The following FSTL5 variants were observed in gnomAD, a reference collection of about 807,000 sequenced individuals.
FSTL5 encodes follistatin like 5, also known as follistatin-related protein 5.
A neutral mutation model predicts 89.1 loss-of-function variants in FSTL5; 62 were observed. That is an observed-to-expected ratio of 0.70 (90% CI 0.57 to 0.86). FSTL5 has a LOEUF of 0.86. Ranked by LOEUF, FSTL5 falls within the 40% of genes least tolerant of loss-of-function variation. FSTL5 has a pLI of 0.00. For missense variants in FSTL5, 1,057 were observed against 1,001.6 expected (o/e 1.06, Z -0.75); for synonymous variants, 383 against 346.2 (o/e 1.11, Z -1.18).
At chr4:161,880,616 C>A (rs890669427) in intron 4 of FSTL5, among the ~76,000 whole-genome samples, 1 of 152,120 alleles carries the variant, frequency 6.6e-6, no homozygotes, top group South Asian at 2.1e-4. Context: ...AGCTGTTTTA[C>A]TCCTAATTGA....
intron 8 of FSTL5, among the ~76,000 whole-genome samples, chr4:161,578,267 T>C (rs1401109343): frequency 6.6e-6 from 1 of 152,122 alleles, no homozygotes; most frequent in African/African-American, 2.4e-5. Context: ...AAGAATTATT[T>C]TTTAAATAGA....
intron 4 of FSTL5, among the ~76,000 whole-genome samples, chr4:161,864,649 A>G (rs368087508): frequency 7.4e-4 from 113 of 152,204 alleles, no homozygotes; most frequent in African/African-American, 1.7e-3. Flanking sequence ...AGGTGGACAG[A>G]TCAGGAGGTC....
chr4:162,020,380 A>T (rs1737037857), intron 3 of FSTL5, among the ~76,000 whole-genome samples: 1 of 152,104 alleles, frequency 6.6e-6, no homozygotes, highest in African/African-American at 2.4e-5. Context: ...TCTAATAGTT[A>T]TTTAAGGAGT....
rs141970362 is a variant in FSTL5 at position 162,067,328 on chromosome 4, C to T, written c.127-33670G>A. ...TTGGCCTCCCAAAGTGCTGAGATTA[C>T]AGGCATGAGCCACCACATTTGGCCT... On this transcript the variant is annotated intron_variant, in intron 2 of 15. Transcript: ENST00000306100. Among the ~76,000 whole-genome samples the T allele has an allele frequency of 2.6e-3, 396 of 152,186 alleles. 1 individual carries two copies. The highest frequency in any genetic ancestry group is 8.8e-3 in the African/African-American group (366 of 41,554).
chr4:161,693,572 G>A (rs996432849), intron 6 of FSTL5, among the ~76,000 whole-genome samples: 5 of 148,626 alleles, frequency 3.4e-5, no homozygotes, highest in East Asian at 2.0e-4. Context: ...CTAGAAATTT[G>A]TCCATTTCAT....
intron 1 of FSTL5, among the ~76,000 whole-genome samples, chr4:162,158,863 A>T (rs1377653669): frequency 6.6e-6 from 1 of 152,114 alleles, no homozygotes; most frequent in Non-Finnish European, 1.5e-5. Flanking sequence ...GAAAAAGCAA[A>T]TTCAGGATCA....
intron 4 of FSTL5, among the ~76,000 whole-genome samples, chr4:161,836,740 T>TTATTAAAAATAAATTTTTTAAA (rs1731056204): frequency 1.3e-5 from 2 of 151,998 alleles, no homozygotes; most frequent in Admixed American, 6.6e-5. Flanking sequence ...GTGAAATTTT[T>TTATTAAAAATAAATTTTTTAAA]TATTAAAAAT....
intron 15 of FSTL5, among the ~76,000 whole-genome samples, chr4:161,440,248 A>T (rs1451388179): frequency 2.6e-5 from 4 of 152,122 alleles, no homozygotes. Flanking sequence ...AAATTTTTGT[A>T]CAGAACGTAA....
At chr4:161,856,921 G>A (rs547658470) in intron 4 of FSTL5, among the ~76,000 whole-genome samples, 21 of 152,186 alleles carry the variant, frequency 1.4e-4, no homozygotes, top group Non-Finnish European at 2.2e-4. Flanking sequence ...TGGTTAGCAT[G>A]CTGAAGGGAA....
At chr4:162,132,195 T>C (rs1404117753) in intron 1 of FSTL5, among the ~76,000 whole-genome samples, 2 of 152,198 alleles carry the variant, frequency 1.3e-5, no homozygotes, top group African/African-American at 4.8e-5. Context: ...AGGTGTTCTC[T>C]ACTTAAACAG....
chr4:161,691,871 T>C (rs1347326264), intron 6 of FSTL5, among the ~76,000 whole-genome samples: 1 of 152,142 alleles, frequency 6.6e-6, no homozygotes, highest in African/African-American at 2.4e-5. Flanking sequence ...TCTTTTATCC[T>C]GCATCTATGC....
At chr4:161,590,830 T>C (rs184112774) in intron 7 of FSTL5, among the ~76,000 whole-genome samples, 1 of 152,292 alleles carries the variant, frequency 6.6e-6, no homozygotes, top group Non-Finnish European at 1.5e-5. Context: ...TGGATAACAG[T>C]TTGGCCACTC....
At chr4:162,153,742 A>T (rs1733346090) in intron 1 of FSTL5, among the ~76,000 whole-genome samples, 5 of 110,998 alleles carry the variant, frequency 4.5e-5, no homozygotes, top group African/African-American at 9.6e-5. Context: ...ATATGTATAT[A>T]ATAATATACA....
At chr4:162,073,692 T>C (rs1189890830) in intron 2 of FSTL5, among the ~76,000 whole-genome samples, 1 of 151,824 alleles carries the variant, frequency 6.6e-6, no homozygotes. Flanking sequence ...CAGGGTAATA[T>C]TTAATTGGTA....
chr4:161,823,425 A>T (rs1290550597), intron 4 of FSTL5, among the ~76,000 whole-genome samples: 3 of 152,320 alleles, frequency 2.0e-5, no homozygotes, highest in African/African-American at 4.8e-5. Context: ...TGGGGCTGGC[A>T]TGTCAGCACA....
intron 8 of FSTL5, among the ~76,000 whole-genome samples, chr4:161,564,520 AT>A (rs1410922312): frequency 9.2e-6 from 1 of 108,702 alleles, no homozygotes; most frequent in African/African-American, 2.6e-5. Context: ...AACTCATATA[AT>A]TAATTTATTA....
intron 4 of FSTL5, among the ~76,000 whole-genome samples, chr4:161,834,640 C>T (rs1235976530): frequency 6.6e-6 from 1 of 152,076 alleles, no homozygotes; most frequent in Non-Finnish European, 1.5e-5. Flanking sequence ...AAATCACAAG[C>T]ATTCTTATAC....
At chr4:161,407,498 G>A (rs1212698902) in intron 15 of FSTL5, among the ~76,000 whole-genome samples, 1 of 152,158 alleles carries the variant, frequency 6.6e-6, no homozygotes, top group African/African-American at 2.4e-5. Flanking sequence ...GCCTGGAAAA[G>A]GGGTGAGTGA....
chr4:161,731,758 T>TA (rs1739620257), intron 6 of FSTL5, among the ~76,000 whole-genome samples: 1 of 151,572 alleles, frequency 6.6e-6, no homozygotes, highest in Admixed American at 6.6e-5. Context: ...TAGTATGTGC[T>TA]AATTTTCGTC....
Sources: allele counts gnomAD v4.1 joint callset (sites outside exome capture counted in the v4.1 genomes callset), GRCh38; gene constraint gnomAD v4.1.1; transcripts MANE v1.5; gene names NCBI Gene and HGNC (gene_info 2026-07-23, HGNC 2026-07-21).